PRKN: variants seen among roughly 807,000 people sequenced by gnomAD.
PRKN encodes parkin RBR E3 ubiquitin protein ligase.
PRKN carries 56 observed loss-of-function variants against 59.5 expected under a neutral mutation model. The observed-to-expected ratio is 0.94, with a 90% confidence interval of 0.76 to 1.18. The LOEUF (loss-of-function observed/expected upper bound fraction) is 1.18. PRKN is among the 50% of genes most tolerant of loss of function. The probability of loss-of-function intolerance (pLI) is 0.00; values close to 1 mark genes in which losing one functional copy is unlikely to be tolerated. For synonymous variants in PRKN, 250 were observed against 222.1 expected (o/e 1.13, Z -1.12); for missense variants, 657 against 596.4 (o/e 1.10, Z -1.06).
intron 6 of PRKN, among the ~76,000 whole-genome samples, chr6:161,905,330 G>A (rs1033037516): frequency 6.6e-6 from 1 of 152,202 alleles, no homozygotes; most frequent in African/African-American, 2.4e-5. Context: ...GGTCACCCCA[G>A]GAGGAATTTT....
intron 9 of PRKN, among the ~76,000 whole-genome samples, chr6:161,431,811 C>T (rs1159406197): frequency 2.0e-5 from 3 of 152,126 alleles, no homozygotes; most frequent in African/African-American, 4.8e-5. Flanking sequence ...CAGGGTTTCA[C>T]CATATTGGCC....
chr6:161,692,501 A>G (rs1270876805), intron 7 of PRKN, among the ~76,000 whole-genome samples: 2 of 152,222 alleles, frequency 1.3e-5, no homozygotes, highest in Non-Finnish European at 2.9e-5. Context: ...TGAGCTTGCC[A>G]TTCTGCTCTT....
At chr6:161,933,045 G>A (rs1305520132) in intron 6 of PRKN, among the ~76,000 whole-genome samples, 1 of 152,098 alleles carries the variant, frequency 6.6e-6, no homozygotes, top group African/African-American at 2.4e-5. Context: ...TTTGGGAGGC[G>A]GAGGCAGGCG....
intron 6 of PRKN, among the ~76,000 whole-genome samples, chr6:161,923,138 A>G (rs1324151785): frequency 6.6e-6 from 1 of 152,192 alleles, no homozygotes; most frequent in Non-Finnish European, 1.5e-5. Flanking sequence ...AGGTCACTCC[A>G]TAGCATACAA....
At chr6:161,673,475 A>G (rs1784981279) in intron 7 of PRKN, among the ~76,000 whole-genome samples, 1 of 152,196 alleles carries the variant, frequency 6.6e-6, no homozygotes, top group African/African-American at 2.4e-5. Context: ...AAAGGATGGC[A>G]GTGACTCAGC....
intron 2 of PRKN, among the ~76,000 whole-genome samples, chr6:162,359,973 T>G (rs1785063444): frequency 6.6e-6 from 1 of 152,204 alleles, no homozygotes; most frequent in Non-Finnish European, 1.5e-5. Context: ...TTTTCTAAAC[T>G]GTCTCAGTTC....
intron 5 of PRKN, among the ~76,000 whole-genome samples, chr6:161,979,022 C>T (rs1781160476): frequency 1.3e-5 from 2 of 152,112 alleles, no homozygotes; most frequent in Non-Finnish European, 2.9e-5. Context: ...AAATCAGCTA[C>T]AGAAAGATTC....
chr6:161,420,831 T>C (rs749941324), intron 9 of PRKN, among the ~76,000 whole-genome samples: 1 of 152,180 alleles, frequency 6.6e-6, no homozygotes, highest in Non-Finnish European at 1.5e-5. Context: ...AGCTCAAAGA[T>C]GAAGTTACAT....
At chr6:162,535,278 A>G (rs866819441) in intron 1 of PRKN, among the ~76,000 whole-genome samples, 2 of 152,112 alleles carry the variant, frequency 1.3e-5, no homozygotes, top group Admixed American at 6.5e-5. Context: ...CAGTCTCCCC[A>G]TCTGCCCTGG....
chr6:162,615,303 G>C (rs1286969271), intron 1 of PRKN, among the ~76,000 whole-genome samples: 1 of 152,150 alleles, frequency 6.6e-6, no homozygotes, highest in African/African-American at 2.4e-5. Context: ...TCTCTGACAA[G>C]TTACAGTTGC....
intron 7 of PRKN, among the ~76,000 whole-genome samples, chr6:161,643,012 A>AT (rs1783798861): frequency 6.6e-6 from 1 of 152,220 alleles, no homozygotes; most frequent in Non-Finnish European, 1.5e-5. Flanking sequence ...AAACTAGGAC[A>AT]TAAGGACAGT....
At chr6:162,703,691 G>T (rs1778238560) in intron 1 of PRKN, among the ~76,000 whole-genome samples, 1 of 152,154 alleles carries the variant, frequency 6.6e-6, no homozygotes, top group African/African-American at 2.4e-5. Context: ...GCACAGGGAG[G>T]TTCCTGTCCC....
chr6:161,706,205 G>A (rs1031714334), intron 7 of PRKN, among the ~76,000 whole-genome samples: 9 of 152,154 alleles, frequency 5.9e-5, no homozygotes, highest in Admixed American at 5.9e-4. Context: ...GCTTTCACGG[G>A]ATCCCTGGGG....
intron 2 of PRKN, among the ~76,000 whole-genome samples, chr6:162,302,758 G>C (rs1782015737): frequency 6.6e-6 from 1 of 151,822 alleles, no homozygotes. Flanking sequence ...CACCAACAGG[G>C]GTCTCTTTAA....
At chr6:162,630,312 T>C (rs767936113) in intron 1 of PRKN, among the ~76,000 whole-genome samples, 2 of 152,184 alleles carry the variant, frequency 1.3e-5, no homozygotes, top group Non-Finnish European at 2.9e-5. Context: ...TTCGTACTAA[T>C]GCTGCACAGA....
intron 9 of PRKN, among the ~76,000 whole-genome samples, chr6:161,504,118 G>T (rs1778059833): frequency 6.6e-6 from 1 of 152,206 alleles, no homozygotes; most frequent in East Asian, 1.9e-4. Flanking sequence ...CTTATAGTTA[G>T]AGGTCAAAAA....
chr6:161,664,680 A>G (rs1330093461), intron 7 of PRKN, among the ~76,000 whole-genome samples: 1 of 152,232 alleles, frequency 6.6e-6, no homozygotes, highest in Non-Finnish European at 1.5e-5. Flanking sequence ...ACTGAGAAGA[A>G]TTTCAGTCTG....
At chr6:162,387,466 T>C (rs981293262) in intron 2 of PRKN, among the ~76,000 whole-genome samples, 10 of 151,092 alleles carry the variant, frequency 6.6e-5, no homozygotes, top group Middle Eastern at 3.4e-3. Flanking sequence ...ATTGCTCAAA[T>C]TATTGAAGTT....
chr6:161,574,371 A>G (rs913147954), intron 7 of PRKN, among the ~76,000 whole-genome samples: 1 of 152,160 alleles, frequency 6.6e-6, no homozygotes, highest in Non-Finnish European at 1.5e-5. Flanking sequence ...CTGGATTTGG[A>G]GCAATAGAGA....
Sources: allele counts gnomAD v4.1 joint callset (sites outside exome capture counted in the v4.1 genomes callset), GRCh38; gene constraint gnomAD v4.1.1; transcripts MANE v1.5; gene names NCBI Gene and HGNC (gene_info 2026-07-23, HGNC 2026-07-21).